Variants in PBX1 observed in about 807,000 individuals in gnomAD.
PBX1 encodes pre-B-cell leukemia transcription factor 1.
Under a neutral mutation model 53.4 loss-of-function variants are expected in PBX1, and 6 were observed. The ratio of observed to expected loss-of-function variants is 0.11; its 90% CI spans 0.06 to 0.22. The LOEUF is 0.22. Ranked by LOEUF, PBX1 falls within the 10% of genes least tolerant of loss-of-function variation. PBX1 has a pLI of 1.00. For missense variants in PBX1, 251 were observed against 551.4 expected (o/e 0.46, Z 5.46); for synonymous variants, 204 against 212.3 (o/e 0.96, Z 0.34).
At chr1:164,604,970 T>C (rs904762031) in intron 2 of PBX1, among the ~76,000 whole-genome samples, 1 of 152,196 alleles carries the variant, frequency 6.6e-6, no homozygotes, top group Non-Finnish European at 1.5e-5. Context: ...GAGTGCCTTC[T>C]AGTAACAAGT....
intron 2 of PBX1, chr1:164,682,902 T>TA (rs1462991898): frequency 4.0e-5 from 4 of 100,570 alleles, no homozygotes; most frequent in African/African-American, 1.4e-4. Context: ...GAGCAGCTCT[T>TA]AGAGTTGTCA....
At chr1:164,655,257 G>A (rs990054005) in intron 2 of PBX1, among the ~76,000 whole-genome samples, 14 of 152,052 alleles carry the variant, frequency 9.2e-5, no homozygotes, top group Non-Finnish European at 2.1e-4. Context: ...GGGATTACAG[G>A]CATGCGCCAC....
intron 2 of PBX1, among the ~76,000 whole-genome samples, chr1:164,868,468 A>C (rs1193277783): frequency 1.3e-5 from 2 of 152,228 alleles, no homozygotes; most frequent in South Asian, 2.1e-4. Context: ...CATGGAGTAC[A>C]GGAAAGGTAG....
At chr1:164,577,180 A>G (rs1177414455) in intron 2 of PBX1, among the ~76,000 whole-genome samples, 1 of 152,200 alleles carries the variant, frequency 6.6e-6, no homozygotes, top group African/African-American at 2.4e-5. Flanking sequence ...TCTGTCTCTC[A>G]GCTCTTACAG....
intron 2 of PBX1, among the ~76,000 whole-genome samples, chr1:164,741,628 G>T (rs570794198): frequency 1.3e-5 from 2 of 152,146 alleles, no homozygotes; most frequent in East Asian, 3.9e-4. Context: ...TTTAATAAAT[G>T]GTAACAGTGC....
chr1:164,822,402 A>G (rs1288068070), intron 8 of PBX1, among the ~76,000 whole-genome samples: 1 of 152,084 alleles, frequency 6.6e-6, no homozygotes, highest in African/African-American at 2.4e-5. Context: ...GAGTAGAACT[A>G]TTGGCTCTTA....
chr1:164,576,063 T>C (rs1027520964), intron 2 of PBX1, among the ~76,000 whole-genome samples: 2 of 152,162 alleles, frequency 1.3e-5, no homozygotes, highest in Non-Finnish European at 2.9e-5. Context: ...TCAGACCACG[T>C]AGAAAAGAGA....
chr1:164,798,087 G>A (rs751031176), intron 3 of PBX1, among the ~76,000 whole-genome samples: 1 of 152,176 alleles, frequency 6.6e-6, no homozygotes, highest in African/African-American at 2.4e-5. Context: ...GAAAGGATGT[G>A]CCCAAATATT....
In PBX1 at chr1:164,699,374, C is replaced by A. The variant is rs571955096; in HGVS notation, c.266-93120C>A. On this transcript the variant is annotated intron_variant, in intron 2 of 8. Coordinates refer to ENST00000420696, the MANE Select transcript of PBX1 (RefSeq NM_002585.4). ...AGTTAACGTTTTTGTGCCTTTCTAC[C>A]TGCTCGTGGGTTCCAGAGTCTCTGT... Among the ~76,000 whole-genome samples the A allele has an allele frequency of 1.1e-4, 16 of 152,250 alleles. 1 individual carries two copies. The South Asian group carries it at 3.3e-3, about 32-fold the overall frequency.
chr1:164,755,800 T>C (rs1666481861), intron 2 of PBX1, among the ~76,000 whole-genome samples: 1 of 151,934 alleles, frequency 6.6e-6, no homozygotes, highest in Non-Finnish European at 1.5e-5. Context: ...ATGGGACTAT[T>C]AGCTTGAGCG....
chr1:164,784,963 C>A (rs1003782387), intron 2 of PBX1, among the ~76,000 whole-genome samples: 1 of 152,180 alleles, frequency 6.6e-6, no homozygotes, highest in Non-Finnish European at 1.5e-5. Context: ...CTTTAAGAAA[C>A]CCTGGACCTA....
At chr1:164,587,542 A>G (rs1557875828) in intron 2 of PBX1, among the ~76,000 whole-genome samples, 1 of 147,258 alleles carries the variant, frequency 6.8e-6, no homozygotes, top group Non-Finnish European at 1.5e-5. Context: ...TGTGTGTCTG[A>G]TTTTTTTTTT....
intron 2 of PBX1, among the ~76,000 whole-genome samples, chr1:164,671,543 C>T (rs888789905): frequency 3.3e-5 from 5 of 152,104 alleles, no homozygotes; most frequent in South Asian, 2.1e-4. Context: ...GCTGTTTTAC[C>T]GCCTGCTTCA....
intron 2 of PBX1, among the ~76,000 whole-genome samples, chr1:164,691,691 C>G (rs1662498817): frequency 6.6e-6 from 1 of 152,156 alleles, no homozygotes; most frequent in Admixed American, 6.5e-5. Flanking sequence ...GGTCTGAGAT[C>G]ACCCAACTGA....
chr1:164,678,795 T>G (rs1263572583), intron 2 of PBX1, among the ~76,000 whole-genome samples: 1 of 152,212 alleles, frequency 6.6e-6, no homozygotes. Flanking sequence ...CGCCACTCTC[T>G]CATCCTCAGT....
At chr1:164,759,711 G>A (rs1223698163) in intron 2 of PBX1, among the ~76,000 whole-genome samples, 1 of 152,178 alleles carries the variant, frequency 6.6e-6, no homozygotes, top group Non-Finnish European at 1.5e-5. Context: ...CCTGGCACAG[G>A]TGGACAATCG....
In PBX1 at chr1:164,835,352, T is replaced by C. The variant is rs553295654; in HGVS notation, c.1201-11232T>C. ...TTGGATAAATTTCTAAAAATGGAAT[T>C]GCTAGATCAAAGGGTATGCATAAGT... On this transcript the variant is annotated intron_variant, in intron 8 of 8. Transcript: ENST00000420696. Among the ~76,000 whole-genome samples, 25 of 152,176 alleles carry C rather than the reference T, an allele frequency of 1.6e-4. No individual in the cohort carries two copies. In the Middle Eastern group the frequency reaches 0.014, roughly 83 times the overall value.
At chr1:164,846,442 G>C (rs1671572612) in intron 8 of PBX1, 142 bp from the exon 9 acceptor site, 2 of 732,714 alleles carry the variant, frequency 2.7e-6, no homozygotes, top group Non-Finnish European at 4.9e-6. Flanking sequence ...ATCACCCACA[G>C]TAATAGTTGC....
intron 2 of PBX1, among the ~76,000 whole-genome samples, chr1:164,594,505 ACTCCTGACATGGTGATC>A (rs552440596): frequency 1.0e-3 from 152 of 151,928 alleles, no homozygotes; most frequent in Non-Finnish European, 1.9e-3. Flanking sequence ...CTGGTCTCGA[ACTCCTGACATGGTGATC>A]CTCCTGCCTT....
Sources: allele counts gnomAD v4.1 joint callset (sites outside exome capture counted in the v4.1 genomes callset), GRCh38; gene constraint gnomAD v4.1.1; transcripts MANE v1.5; gene names NCBI Gene and HGNC (gene_info 2026-07-23, HGNC 2026-07-21).